The following SIK3 variants were observed in gnomAD, a reference collection of about 807,000 sequenced individuals.
SIK3 encodes the protein serine/threonine-protein kinase SIK3.
SIK3 carries 28 observed loss-of-function variants against 144.2 expected under a neutral mutation model. The observed-to-expected ratio is 0.19, with a 90% CI of 0.14 to 0.27. The LOEUF is 0.27. SIK3 is among the 10% of genes least tolerant of loss of function. The pLI is 1.00. For missense variants in SIK3, 1,319 were observed against 1,776.0 expected, an observed-to-expected ratio of 0.74 and a Z score of 4.62; for synonymous variants, 686 against 676.3, an observed-to-expected ratio of 1.01 and a Z score of -0.22.
chr11:116,947,569 A>ATGTATTTTT (rs374241141), intron 3 of SIK3, among the ~76,000 whole-genome samples: 3 of 109,448 alleles, frequency 2.7e-5, no homozygotes, highest in African/African-American at 6.3e-5. Flanking sequence ...GTATGTATGT[A>ATGTATTTTT]TTTTTTTTTT....
chr11:116,915,166 G>A (rs1009989420), intron 4 of SIK3, among the ~76,000 whole-genome samples: 15 of 149,148 alleles, frequency 1.0e-4, no homozygotes, highest in African/African-American at 3.7e-4. Context: ...GTGTGTATGT[G>A]TATTTTTTCT....
intron 1 of SIK3, among the ~76,000 whole-genome samples, chr11:117,063,810 G>A (rs1244724469): frequency 4.0e-5 from 6 of 151,630 alleles, no homozygotes; most frequent in South Asian, 2.1e-4. Flanking sequence ...CAAGTGATTC[G>A]CCCCACTTCA....
chr11:116,928,497 T>C (rs1947408751), intron 3 of SIK3, among the ~76,000 whole-genome samples: 1 of 152,218 alleles, frequency 6.6e-6, no homozygotes, highest in African/African-American at 2.4e-5. Flanking sequence ...TTATCAACAG[T>C]TTTGGTAGAA....
chr11:116,899,003 T>C (rs1945590986), intron 4 of SIK3, among the ~76,000 whole-genome samples: 1 of 149,892 alleles, frequency 6.7e-6, no homozygotes. Context: ...ATTTTGGCTT[T>C]TGTTGCCATT....
intron 6 of SIK3, among the ~76,000 whole-genome samples, chr11:116,879,977 G>T (rs1206264984): frequency 1.3e-5 from 2 of 152,162 alleles, no homozygotes; most frequent in Non-Finnish European, 2.9e-5. Context: ...CCTGTGTAGG[G>T]AGAAGGCTAG....
intron 4 of SIK3, among the ~76,000 whole-genome samples, chr11:116,907,643 G>A (rs1439725049): frequency 3.3e-5 from 5 of 151,984 alleles, no homozygotes; most frequent in African/African-American, 4.8e-5. Context: ...GCAAAACACT[G>A]TCTCAAAAAA....
chr11:116,922,021 A>T (rs997533850), intron 4 of SIK3, among the ~76,000 whole-genome samples: 1 of 152,078 alleles, frequency 6.6e-6, no homozygotes, highest in Non-Finnish European at 1.5e-5. Context: ...GATCTCAACT[A>T]GCTGGGACTA....
chr11:116,962,854 C>T (rs1451344359), intron 1 of SIK3, among the ~76,000 whole-genome samples: 2 of 152,024 alleles, frequency 1.3e-5, no homozygotes, highest in Non-Finnish European at 2.9e-5. Flanking sequence ...ATATATTAGG[C>T]TAAACAAAAG....
chr11:116,886,027 T>C (rs945501877), intron 6 of SIK3, among the ~76,000 whole-genome samples: 1 of 152,220 alleles, frequency 6.6e-6, no homozygotes, highest in African/African-American at 2.4e-5. Flanking sequence ...GGAATGTCCT[T>C]CTTTTATTTT....
chr11:117,036,753 TG>T (rs1750828633), intron 1 of SIK3, among the ~76,000 whole-genome samples: 1 of 152,150 alleles, frequency 6.6e-6, no homozygotes, highest in South Asian at 2.1e-4. Context: ...CGGTTTCCAA[TG>T]GGGCAATGAA....
At chr11:117,021,405 A>G (rs1478121987) in intron 1 of SIK3, among the ~76,000 whole-genome samples, 9 of 151,846 alleles carry the variant, frequency 5.9e-5, no homozygotes, top group Admixed American at 4.6e-4. Context: ...TCAGAACCCC[A>G]CTCTTTCCAC....
At chr11:117,009,682 CTAT>C (rs1951182529) in intron 1 of SIK3, among the ~76,000 whole-genome samples, 1 of 152,160 alleles carries the variant, frequency 6.6e-6, no homozygotes, top group Admixed American at 6.5e-5. Flanking sequence ...TCAAAGTACA[CTAT>C]TATTATAGCA....
chr11:116,984,184 A>G (rs368107191), intron 1 of SIK3, among the ~76,000 whole-genome samples: 15 of 152,292 alleles, frequency 9.8e-5, no homozygotes, highest in African/African-American at 3.6e-4. Context: ...TCCCCACCAC[A>G]CTGAAAGTGA....
At position 116,953,103 on chromosome 11, in the gene SIK3, A is replaced by C. The variant is rs113557923; in HGVS notation, c.454+941T>G. On this transcript the variant is annotated intron_variant, in intron 3 of 24. Transcript: ENST00000445177. The stretch of plus-strand genomic sequence containing the variant: ...TCGCTAGGGAAACTTTAAAAACACA[A>C]ACACACACACACACACATCCATGCA... Among the ~76,000 whole-genome samples the C allele has an allele frequency of 1.8e-3, 268 of 151,366 alleles. 1 individual carries two copies. The highest frequency in any genetic ancestry group is 6.8e-3 in the Middle Eastern group (2 of 294).
At chr11:116,988,243 C>T (rs1027134515) in intron 1 of SIK3, among the ~76,000 whole-genome samples, 1 of 151,784 alleles carries the variant, frequency 6.6e-6, no homozygotes, top group Admixed American at 6.6e-5. Context: ...AAAAATTAGC[C>T]GGCACGGTGG....
intron 1 of SIK3, among the ~76,000 whole-genome samples, chr11:117,032,936 T>C (rs1952325858): frequency 6.6e-6 from 1 of 152,158 alleles, no homozygotes; most frequent in African/African-American, 2.4e-5. Flanking sequence ...ATATATAAAA[T>C]ATAGATATTT....
chr11:116,848,997 T>C, intron 22 of SIK3, 123 bp downstream of exon 22: 1 of 1,144,986 alleles, frequency 8.7e-7, no homozygotes, highest in Non-Finnish European at 1.2e-6. Context: ...CCCCACCGTT[T>C]CCAGAAAGGC....
At chr11:116,940,535 G>C (rs2135267587) in intron 3 of SIK3, among the ~76,000 whole-genome samples, 1 of 151,848 alleles carries the variant, frequency 6.6e-6, no homozygotes, top group Non-Finnish European at 1.5e-5. Flanking sequence ...CTGGCCCTTT[G>C]GGATTTATAT....
chr11:117,007,309 C>A (rs1267389889), intron 1 of SIK3, among the ~76,000 whole-genome samples: 2 of 152,150 alleles, frequency 1.3e-5, no homozygotes, highest in African/African-American at 4.8e-5. Flanking sequence ...ACCTGGGAGG[C>A]AGAGGTTGCA....
Sources: allele counts gnomAD v4.1 joint callset (sites outside exome capture counted in the v4.1 genomes callset), GRCh38; gene constraint gnomAD v4.1.1; transcripts MANE v1.5; gene names NCBI Gene and HGNC (gene_info 2026-07-23, HGNC 2026-07-21).